Variants in DLGAP1 observed in about 807,000 individuals in gnomAD.
DLGAP1 encodes DLG associated protein 1.
A neutral mutation model predicts 90.8 loss-of-function variants in DLGAP1; 11 were observed. That is an observed-to-expected ratio of 0.12 (90% CI 0.08 to 0.20). The LOEUF is 0.20. Among genes scored for constraint, DLGAP1 ranks in the 10% least tolerant of loss-of-function variants. DLGAP1 has a pLI of 1.00. For missense variants in DLGAP1, 1,050 were observed against 1,333.8 expected, an observed-to-expected ratio of 0.79 and a Z score of 3.31; for synonymous variants, 558 against 540.7, an observed-to-expected ratio of 1.03 and a Z score of -0.44.
At chr18:4,082,916 C>G (rs753293602) in intron 2 of DLGAP1, among the ~76,000 whole-genome samples, 3 of 152,120 alleles carry the variant, frequency 2.0e-5, no homozygotes, top group Non-Finnish European at 4.4e-5. Flanking sequence ...GTTTAATGCT[C>G]TGCTGTAGCT....
Position 3,653,267 on chromosome 18 carries a change from T to C in DLGAP1, c.1592-71019A>G, listed in dbSNP as rs1293281798. ...GCGACTGTTTCCCCCTTCCGTCAAA[T>C]TGCTGTCTAGATGTTTCTCTCTGAC... On this transcript the variant is annotated intron_variant, in intron 7 of 12. Coordinates refer to ENST00000315677, the MANE Select transcript of DLGAP1 (RefSeq NM_004746.4). This position sits in a 1 kb window ranked among gnomAD's most constrained non-coding sequence, Gnocchi z 4.6. 3 of 152,212 alleles carry C rather than the reference T, an allele frequency of 2.0e-5. No individual in the cohort carries two copies. Among genetic ancestry groups the C allele is most frequent in the Non-Finnish European group, 4.4e-5 (3 of 68,036 alleles). 9.4% of individuals were successfully genotyped at this position (152,212 alleles called of 1,614,324 possible). A position where few individuals can be genotyped will look rare whatever the true frequency, so the allele number is the denominator to read the frequency against.
At chr18:3,650,137 G>A (rs2059245934) in intron 7 of DLGAP1, among the ~76,000 whole-genome samples, 1 of 152,204 alleles carries the variant, frequency 6.6e-6, no homozygotes, top group South Asian at 2.1e-4. Flanking sequence ...TCCACCTCCT[G>A]GATTCAAGCG....
chr18:3,741,593 C>T lies in DLGAP1; in HGVS notation c.1350+742G>A, dbSNP rs566929823. Among the ~76,000 whole-genome samples, 59 of 152,198 alleles carry T rather than the reference C, an allele frequency of 3.9e-4. 1 individual carries two copies. Among genetic ancestry groups the T allele is most frequent in the African/African-American group, 1.3e-3 (56 of 41,528 alleles). ...ATCACTGCTACCACCATCACCATCACCACCATCGCCATCATCACCATCACT... is the reference window on the plus strand; with the variant it reads ...ATCACTGCTACCACCATCACCATCATCACCATCGCCATCATCACCATCACT... On this transcript the variant is annotated intron_variant, in intron 6 of 12. Coordinates refer to ENST00000315677, the MANE Select transcript of DLGAP1 (RefSeq NM_004746.4).
intron 1 of DLGAP1, among the ~76,000 whole-genome samples, chr18:4,441,121 T>C (rs975043633): frequency 6.6e-6 from 1 of 152,252 alleles, no homozygotes; most frequent in African/African-American, 2.4e-5. Context: ...GGCTTGTTCA[T>C]TGCGTTCTCT....
chr18:4,252,018 T>C (rs2078788742), intron 1 of DLGAP1, among the ~76,000 whole-genome samples: 1 of 152,180 alleles, frequency 6.6e-6, no homozygotes, highest in South Asian at 2.1e-4. Context: ...TCAACAGAGT[T>C]CTGGACTAAA....
At chr18:3,701,870 G>T (rs1398994665) in intron 7 of DLGAP1, among the ~76,000 whole-genome samples, 1 of 152,158 alleles carries the variant, frequency 6.6e-6, no homozygotes, top group East Asian at 1.9e-4. Flanking sequence ...TCAAGAGTGA[G>T]AAGAGTCGTA....
chr18:4,332,349 A>G (rs565402), intron 1 of DLGAP1, among the ~76,000 whole-genome samples: 152,001 of 152,016 alleles, frequency 1, 75,994 homozygotes, highest in Non-Finnish European at 1. Context: ...AAAATTATGG[A>G]TTTATTATTT....
intron 1 of DLGAP1, among the ~76,000 whole-genome samples, chr18:4,252,968 T>C (rs979468051): frequency 6.6e-6 from 1 of 152,248 alleles, no homozygotes; most frequent in Non-Finnish European, 1.5e-5. Flanking sequence ...TAAAGTACCA[T>C]ATCAGCTAAA....
intron 5 of DLGAP1, among the ~76,000 whole-genome samples, chr18:3,784,388 A>G (rs1277637655): frequency 6.6e-6 from 1 of 151,956 alleles, no homozygotes; most frequent in Non-Finnish European, 1.5e-5. Flanking sequence ...TTTTCTATCA[A>G]GGTTTGTTTT....
intron 2 of DLGAP1, among the ~76,000 whole-genome samples, chr18:4,067,555 A>G (rs959379618): frequency 2.6e-5 from 4 of 151,894 alleles, no homozygotes; most frequent in African/African-American, 9.7e-5. Flanking sequence ...AGATACTAAC[A>G]TAACCCAGGA....
intron 10 of DLGAP1, among the ~76,000 whole-genome samples, chr18:3,530,452 A>AAG (rs552789223): frequency 2.0e-5 from 3 of 152,012 alleles, no homozygotes; most frequent in African/African-American, 4.8e-5. Context: ...AAAAGAAAGA[A>AAG]AGAGAGAGAG....
Position 4,447,894 on chromosome 18 carries a change from G to A in DLGAP1, c.-267+7112C>T, listed in dbSNP as rs113214392. Among the ~76,000 whole-genome samples, 1,022 of 152,152 alleles carry A rather than the reference G, an allele frequency of 6.7e-3. 4 individuals are homozygous for A. Among genetic ancestry groups the A allele is most frequent in the Non-Finnish European group, 0.01 (708 of 68,004 alleles). On this transcript the variant is annotated intron_variant, in intron 1 of 12. Transcript: ENST00000315677. The stretch of plus-strand genomic sequence containing the variant: ...TCAGTCCAAGAGGCCACTTCTTCAC[G>A]TCACTGCCTATTCAGAATCTGTCAG...
At chr18:3,845,103 T>G (rs1052742283) in intron 4 of DLGAP1, 1 of 1,201,198 alleles carries the variant, frequency 8.3e-7, no homozygotes, top group Non-Finnish European at 1.2e-6. Flanking sequence ...TCATCCCCAG[T>G]TCACAGACAT....
chr18:3,798,209 G>A (rs563864811), intron 5 of DLGAP1, among the ~76,000 whole-genome samples: 47 of 152,298 alleles, frequency 3.1e-4, no homozygotes, highest in African/African-American at 9.9e-4. Flanking sequence ...AACCAAACCC[G>A]AGGTTAATCA....
chr18:3,990,915 T>C (rs1339513203), intron 3 of DLGAP1, among the ~76,000 whole-genome samples: 3 of 151,834 alleles, frequency 2.0e-5, no homozygotes, highest in Non-Finnish European at 4.4e-5. Context: ...ACTCACTTTT[T>C]TTTGGCAAAA....
chr18:3,656,065 T>C (rs1278483102), intron 7 of DLGAP1: 1 of 1,539,126 alleles, frequency 6.5e-7, no homozygotes, highest in Non-Finnish European at 8.8e-7. Flanking sequence ...TTATTGATTT[T>C]GTGGTTGTAA....
chr18:4,054,143 A>C (rs1357254114), intron 2 of DLGAP1, among the ~76,000 whole-genome samples: 1 of 152,128 alleles, frequency 6.6e-6, no homozygotes, highest in East Asian at 1.9e-4. Flanking sequence ...TTCTCTCATG[A>C]TTCTCACTCG....
intron 2 of DLGAP1, among the ~76,000 whole-genome samples, chr18:4,111,218 G>T (rs76919287): frequency 0.022 from 3,358 of 152,172 alleles, 135 homozygotes; most frequent in African/African-American, 0.076. Flanking sequence ...CATTATTTGA[G>T]TTTTGAATGC....
At chr18:4,131,658 C>T (rs1327570045) in intron 2 of DLGAP1, among the ~76,000 whole-genome samples, 1 of 152,118 alleles carries the variant, frequency 6.6e-6, no homozygotes, top group African/African-American at 2.4e-5. Context: ...AGAAGAATCA[C>T]TCCAAAATAT....
Sources: gnomAD v4.1 joint callset for allele counts (sites outside exome capture counted in the v4.1 genomes callset) on GRCh38, gnomAD v4.1.1 for gene constraint, Gnocchi (gnomAD v3.1) non-coding constraint, MANE v1.5 for transcripts, NCBI Gene and HGNC (gene_info 2026-07-23, HGNC 2026-07-21) for gene names.